The following PCDH15 variants were observed in gnomAD, a reference collection of about 807,000 sequenced individuals.
PCDH15 encodes the protein protocadherin related 15.
PCDH15 carries 129 observed loss-of-function variants against 178.5 expected under a neutral mutation model. That is an observed-to-expected ratio of 0.72 (90% CI 0.63 to 0.84). PCDH15 has a LOEUF of 0.84. Ranked by LOEUF, PCDH15 falls within the 40% of genes least tolerant of loss-of-function variation. The pLI is 0.00. For synonymous variants in PCDH15, 800 were observed against 732.0 expected (o/e 1.09, Z -1.50); for missense variants, 2,230 against 2,099.9 (o/e 1.06, Z -1.21).
At chr10:54,436,087 G>C (rs1204200496) in intron 3 of PCDH15, among the ~76,000 whole-genome samples, 1 of 145,932 alleles carries the variant, frequency 6.9e-6, no homozygotes, top group Non-Finnish European at 1.5e-5. Flanking sequence ...AGGAAGGAGG[G>C]AAGGAGGGAA....
At chr10:54,726,434 GTGTGTGTGTGTGTGT>G (rs1942535395) in intron 1 of PCDH15, among the ~76,000 whole-genome samples, 5 of 150,066 alleles carry the variant, frequency 3.3e-5, no homozygotes, top group African/African-American at 9.8e-5. Context: ...GTGTGTGTGT[GTGTGTGTGTGTGTGT>G]GTGTGTGTGT....
chr10:53,918,789 G>T (rs960167584), intron 25 of PCDH15, among the ~76,000 whole-genome samples: 16 of 150,894 alleles, frequency 1.1e-4, no homozygotes, highest in Admixed American at 7.9e-4. Context: ...GCTTCCTATT[G>T]CTTCTGTAAT....
intron 18 of PCDH15, among the ~76,000 whole-genome samples, chr10:54,028,678 T>A (rs2093195917): frequency 6.8e-6 from 1 of 148,068 alleles, no homozygotes; most frequent in South Asian, 2.2e-4. Flanking sequence ...CTCAGTAAAC[T>A]ATCGCAAGAA....
chr10:55,545,865 G>T (rs1323464926), intron 2 of PCDH15, among the ~76,000 whole-genome samples: 1 of 151,666 alleles, frequency 6.6e-6, no homozygotes, highest in East Asian at 1.9e-4. Flanking sequence ...CCTTCTTATT[G>T]TAACCTATCA....
At chr10:54,647,820 G>A (rs1444943709) in intron 2 of PCDH15, among the ~76,000 whole-genome samples, 1 of 152,032 alleles carries the variant, frequency 6.6e-6, no homozygotes, top group Non-Finnish European at 1.5e-5. Flanking sequence ...CCTCTCACTA[G>A]TGGTGAATGT....
chr10:54,522,933 A>G (rs778027880), intron 3 of PCDH15, among the ~76,000 whole-genome samples: 10 of 152,170 alleles, frequency 6.6e-5, no homozygotes, highest in Non-Finnish European at 1.2e-4. Flanking sequence ...ACTAGGAACT[A>G]TTGTCTTTCT....
At chr10:53,825,438 C>T (rs1360971773) in intron 32 of PCDH15, among the ~76,000 whole-genome samples, 2 of 151,668 alleles carry the variant, frequency 1.3e-5, no homozygotes, top group Non-Finnish European at 3.0e-5. Context: ...CTGGATGATG[C>T]CAATCCTAAA....
In PCDH15 at chr10:53,905,167, T is replaced by A. The variant is rs868389076; in HGVS notation, c.3374-1797A>T. ...TTTCTCTCAACTCCACAGCTGCCCA[T>A]ATACTTAAGTCTGTTGTTGTCTCAC... is the stretch of plus-strand genomic sequence containing the variant. On this transcript the variant is annotated intron_variant, in intron 25 of 37. Coordinates refer to ENST00000644397, the MANE Select transcript of PCDH15 (RefSeq NM_001384140.1). The A allele has an allele frequency of 1.3e-5, 7 of 518,664 alleles. No homozygotes were observed. The Admixed American group carries it at 1.4e-4, about 10-fold the overall frequency. The allele number at this position is 518,664 out of a possible 1,614,324, so 32.1% of individuals were successfully genotyped here.
At chr10:54,719,857 T>C (rs12783856) in intron 1 of PCDH15, among the ~76,000 whole-genome samples, 20,170 of 148,788 alleles carry the variant, frequency 0.14, 1,427 homozygotes, top group East Asian at 0.25. Context: ...TGACATGATC[T>C]CATTCTTTTT....
chr10:53,848,906 T>G (rs2078155521), intron 28 of PCDH15, among the ~76,000 whole-genome samples: 1 of 152,096 alleles, frequency 6.6e-6, no homozygotes, highest in Non-Finnish European at 1.5e-5. Context: ...CATAAACATA[T>G]TTATCTTTGA....
intron 3 of PCDH15, among the ~76,000 whole-genome samples, chr10:54,514,449 T>A (rs757926198): frequency 2.6e-5 from 4 of 152,044 alleles, no homozygotes; most frequent in Non-Finnish European, 5.9e-5. Flanking sequence ...TTTAAATTGC[T>A]GGTATTTTAG....
At chr10:54,852,855 A>AAAAATAAAATAAAATAAAAT (rs368212815) in intron 3 of PCDH15, among the ~76,000 whole-genome samples, 43 of 147,338 alleles carry the variant, frequency 2.9e-4, no homozygotes, top group African/African-American at 8.3e-4. Context: ...TCTGTCTCAA[A>AAAAATAAAATAAAATAAAAT]AAAATAAAAT....
At chr10:54,161,014 T>C (rs1233495650) in intron 13 of PCDH15, among the ~76,000 whole-genome samples, 11 of 152,186 alleles carry the variant, frequency 7.2e-5, no homozygotes, top group Admixed American at 7.2e-4. Flanking sequence ...TTTCGTAAGA[T>C]ATCTATATAT....
intron 3 of PCDH15, among the ~76,000 whole-genome samples, chr10:54,813,702 T>A (rs1380796062): frequency 1.3e-5 from 2 of 152,208 alleles, no homozygotes; most frequent in Non-Finnish European, 2.9e-5. Flanking sequence ...CTCTTAACCC[T>A]TCTTTTCTAC....
chr10:55,379,884 C>T (rs1209234103), intron 2 of PCDH15, among the ~76,000 whole-genome samples: 1 of 151,834 alleles, frequency 6.6e-6, no homozygotes, highest in Non-Finnish European at 1.5e-5. Flanking sequence ...TCTGTTTCTA[C>T]CAGAGAAGGC....
At chr10:55,613,355 G>T (rs766911735) in intron 2 of PCDH15, among the ~76,000 whole-genome samples, 4 of 152,012 alleles carry the variant, frequency 2.6e-5, no homozygotes, top group Non-Finnish European at 5.9e-5. Flanking sequence ...AGGTTACCTG[G>T]ACTCCATAGA....
At chr10:54,115,302 C>A (rs2095094241) in intron 15 of PCDH15, among the ~76,000 whole-genome samples, 1 of 152,092 alleles carries the variant, frequency 6.6e-6, no homozygotes, top group Non-Finnish European at 1.5e-5. Flanking sequence ...TGCAGAAGGA[C>A]CACCTGTTTT....
chr10:54,930,106 C>T (rs1837733958), intron 2 of PCDH15, among the ~76,000 whole-genome samples: 1 of 152,116 alleles, frequency 6.6e-6, no homozygotes, highest in African/African-American at 2.4e-5. Context: ...TAGGCATGTT[C>T]AACATGACAT....
In PCDH15 at chr10:55,460,594, T is replaced by C. The variant is rs1451464976; in HGVS notation, c.-156+167031A>G. 2.6e-5 allele frequency among the ~76,000 whole-genome samples: 4 copies of C among 152,158 alleles called. No individual in the cohort carries two copies. In the East Asian group the frequency reaches 5.8e-4, roughly 22 times the overall value. ...CTTTTTAAAACATATTTTGTGCCTC[T>C]GCTTAACACTTTGAACATATATAGT... On this transcript the variant is annotated intron_variant, in intron 2 of 5. Transcript: ENST00000613346.
Sources: gnomAD v4.1 joint callset for allele counts (sites outside exome capture counted in the v4.1 genomes callset) on GRCh38, gnomAD v4.1.1 for gene constraint, MANE v1.5 for transcripts, NCBI Gene and HGNC (gene_info 2026-07-23, HGNC 2026-07-21) for gene names.